Variants in CYP2U1 observed in about 807,000 individuals in gnomAD.
CYP2U1 encodes cytochrome P450 2U1.
In CYP2U1, 28 loss-of-function variants were observed where a neutral mutation model predicts 42.8. The ratio of observed to expected loss-of-function variants is 0.65; its 90% CI spans 0.48 to 0.90. The LOEUF (loss-of-function observed/expected upper bound fraction) is 0.90. Among genes scored for constraint, CYP2U1 ranks in the 40% least tolerant of loss-of-function variants. CYP2U1 has a pLI of 0.00. For synonymous variants in CYP2U1, 296 were observed against 278.9 expected (o/e 1.06, Z -0.61); for missense variants, 642 against 693.8 (o/e 0.93, Z 0.84).
rs1733880666 is a variant in CYP2U1, at chr4:107,950,687, T to C, written c.*264T>C. On this transcript the variant is annotated 3_prime_UTR_variant, in exon 5 of 5. Coordinates refer to ENST00000332884, the MANE Select transcript of CYP2U1 (RefSeq NM_183075.3). The stretch of plus-strand genomic sequence containing the variant: ...TGAAACGGGATATCTGGATTTTACT[T>C]GCAGTGGCTTCCACCGATGGGCCAA... The C allele has an allele frequency of 6.3e-6, 2 of 318,360 alleles. No homozygotes were observed. Among genetic ancestry groups the C allele is most frequent in the Non-Finnish European group, 5.8e-6 (1 of 173,622 alleles). 19.7% of individuals were successfully genotyped at this position (318,360 alleles called of 1,614,324 possible).
chr4:107,949,805 G>A (rs1161582867), intron 4 of CYP2U1, among the ~76,000 whole-genome samples: 1 of 152,172 alleles, frequency 6.6e-6, no homozygotes, highest in Non-Finnish European at 1.5e-5. Flanking sequence ...GGTCTGGTGG[G>A]TGAGAGGATG....
intron 2 of CYP2U1, 82 bp from the exon 3 acceptor site, chr4:107,947,294 G>A: frequency 1.6e-6 from 2 of 1,228,784 alleles, no homozygotes; most frequent in Non-Finnish European, 2.4e-6. Context: ...ATGCATTAGT[G>A]GTGATGGAAA....
chr4:107,950,276 A>G lies in CYP2U1; in HGVS notation c.1488A>G (p.Ala496=). The G allele has an allele frequency of 1.2e-6, 2 of 1,613,108 alleles. No individual in the cohort carries two copies. The highest frequency in any genetic ancestry group is 3.3e-5 in the Admixed American group (2 of 59,768). ...GKRVCMGEQL[A]KMELFLMFVS... ...GGGTGTGTATGGGAGAACAACTGGCAAAGATGGAATTATTCCTAATGTTTG... is the reference window on the plus strand; with the variant it reads ...GGGTGTGTATGGGAGAACAACTGGCGAAGATGGAATTATTCCTAATGTTTG... The change falls in exon 5 of 5, where the codon GCA becomes GCG. Residue 496 remains alanine (A), a synonymous_variant. Coordinates refer to ENST00000332884, the MANE Select transcript of CYP2U1 (RefSeq NM_183075.3).
Position 107,950,590 on chromosome 4 carries a change from T to A in CYP2U1, c.*167T>A. On this transcript the variant is annotated 3_prime_UTR_variant, in exon 5 of 5. Transcript: ENST00000332884. ...ACTGGGAGGTTTCATCTTGGAGGAT[T>A]CCTCAGCAGGATACTTCAGCCATTT... 1 of 600,500 alleles carries A rather than the reference T, an allele frequency of 1.7e-6. No individual in the cohort carries two copies. Among genetic ancestry groups the A allele is most frequent in the Non-Finnish European group, 2.7e-6 (1 of 376,880 alleles). 37.2% of individuals were successfully genotyped at this position (600,500 alleles called of 1,614,324 possible).
intron 4 of CYP2U1, 83 bp from the exon 5 acceptor site, chr4:107,950,162 A>G: frequency 7.5e-7 from 1 of 1,338,366 alleles, no homozygotes; most frequent in South Asian, 1.5e-5. Flanking sequence ...CTCAATTTAG[A>G]TATTTCATAT....
At chr4:107,943,266 C>T (rs1269702989) in intron 1 of CYP2U1, among the ~76,000 whole-genome samples, 3 of 152,182 alleles carry the variant, frequency 2.0e-5, no homozygotes, top group Admixed American at 1.3e-4. Context: ...TCAGAGTACT[C>T]TCCAATTCAG....
chr4:107,931,684 C>T lies in CYP2U1; in HGVS notation c.41C>T (p.Pro14Leu), dbSNP rs1732980507. Reference protein sequence around the residue: ...PGPSQPPAEDPPWPARLLRAP... With the variant: ...PGPSQPPAEDLPWPARLLRAP... Reference sequence around the variant, plus strand: ...CCGTCGCAGCCGCCGGCCGAGGACCCGCCCTGGCCCGCGCGCCTCCTGCGT... The same window carrying T: ...CCGTCGCAGCCGCCGGCCGAGGACCTGCCCTGGCCCGCGCGCCTCCTGCGT... Residue 14 changes from proline (P) to leucine (L), a missense_variant, in exon 1 of 5, where the codon CCG becomes CTG. Physicochemically the swap from Pro to Leu is moderately conservative, Grantham distance 98. Transcript: ENST00000332884. The T allele has an allele frequency of 7.0e-6, 9 of 1,286,362 alleles. No homozygotes were observed. The highest frequency in any genetic ancestry group is 7.8e-6 in the Non-Finnish European group (8 of 1,022,436). The allele number at this position is 1,286,362 out of a possible 1,614,324, so 79.7% of individuals were successfully genotyped here.
Position 107,950,954 on chromosome 4 carries a change from T to C in CYP2U1, c.*531T>C, listed in dbSNP as rs183552359. 3 of 152,604 alleles carry C rather than the reference T, an allele frequency of 2.0e-5. No individual in the cohort carries two copies. The highest frequency in any genetic ancestry group is 2.0e-4 in the Admixed American group (3 of 15,338). The allele number at this position is 152,604 out of a possible 1,614,324, so 9.5% of individuals were successfully genotyped here. On this transcript the variant is annotated 3_prime_UTR_variant, in exon 5 of 5. Transcript: ENST00000332884. ...TGGAATGCTTTGTCAGAGATGGGTGTGGATTTAGGTTATACTGGGGGAGAA... is the reference window on the plus strand; with the variant it reads ...TGGAATGCTTTGTCAGAGATGGGTGCGGATTTAGGTTATACTGGGGGAGAA...
At position 107,952,389 on chromosome 4, in the gene CYP2U1, A is replaced by C. The variant is rs138780282; in HGVS notation, c.*1966A>C. On this transcript the variant is annotated 3_prime_UTR_variant, in exon 5 of 5. Coordinates refer to ENST00000332884, the MANE Select transcript of CYP2U1 (RefSeq NM_183075.3). ...ACTCCCACCACCTGGAGACTAGGCCATATCCAGGGACCTCACACTGACTTT... is the reference window on the plus strand; with the variant it reads ...ACTCCCACCACCTGGAGACTAGGCCCTATCCAGGGACCTCACACTGACTTT... 1.3e-5 allele frequency: 2 copies of C among 152,248 alleles called. No homozygotes were observed. The highest frequency in any genetic ancestry group is 2.9e-5 in the Non-Finnish European group (2 of 68,048). The allele number at this position is 152,248 out of a possible 1,614,324, so 9.4% of individuals were successfully genotyped here. A position where few individuals can be genotyped will look rare whatever the true frequency, so the allele number is the denominator to read the frequency against.
Position 107,931,552 on chromosome 4 carries a change from G to A in CYP2U1, c.-92G>A. 1 of 1,177,510 alleles carries A rather than the reference G, an allele frequency of 8.5e-7. No homozygotes were observed. The highest frequency in any genetic ancestry group is 1.1e-6 in the Non-Finnish European group (1 of 946,078). The allele number at this position is 1,177,510 out of a possible 1,614,324, so 72.9% of individuals were successfully genotyped here. ...CCCTGCCCGCCCCCGACCTTCCAGA[G>A]CAGAGCAGGACACTGGCGCCGCGGG... is the stretch of plus-strand genomic sequence containing the variant. On this transcript the variant is annotated 5_prime_UTR_variant, in exon 1 of 5. Coordinates refer to ENST00000332884, the MANE Select transcript of CYP2U1 (RefSeq NM_183075.3).
Position 107,931,592 on chromosome 4 carries a change from G to A in CYP2U1, c.-52G>A. ...GGCGCCGCGGGTCAGGCAGCTGCGT[G>A]CGCGTCTCCTCCAGGCAGCAAGGGG... On this transcript the variant is annotated 5_prime_UTR_variant, in exon 1 of 5. Coordinates refer to ENST00000332884, the MANE Select transcript of CYP2U1 (RefSeq NM_183075.3). The A allele has an allele frequency of 8.1e-7, 1 of 1,233,648 alleles. No individual in the cohort carries two copies. Among genetic ancestry groups the A allele is most frequent in the Non-Finnish European group, 1.0e-6 (1 of 989,610 alleles). 76.4% of individuals were successfully genotyped at this position (1,233,648 alleles called of 1,614,324 possible).
rs1386006169 is a variant in CYP2U1 at position 107,931,570 on chromosome 4, GC to G, written c.-72del. 1.7e-6 allele frequency: 2 copies of G among 1,208,956 alleles called. No homozygotes were observed. The highest frequency in any genetic ancestry group is 6.7e-5 in the East Asian group (2 of 29,920). 74.9% of individuals were successfully genotyped at this position (1,208,956 alleles called of 1,614,324 possible). The stretch of plus-strand genomic sequence containing the variant: ...TTCCAGAGCAGAGCAGGACACTGGC[GC>G]CGCGGGTCAGGCAGCTGCGTGCGCG... On this transcript the variant is annotated 5_prime_UTR_variant, in exon 1 of 5. Coordinates refer to ENST00000332884, the MANE Select transcript of CYP2U1 (RefSeq NM_183075.3).
chr4:107,932,908 T>C (rs2126189920), intron 1 of CYP2U1, among the ~76,000 whole-genome samples: 1 of 152,334 alleles, frequency 6.6e-6, no homozygotes, highest in Middle Eastern at 3.4e-3. Flanking sequence ...GCACTTTTCC[T>C]TCACTACACT....
At chr4:107,944,354 G>A (rs776265701) in intron 1 of CYP2U1, among the ~76,000 whole-genome samples, 39 of 152,192 alleles carry the variant, frequency 2.6e-4, no homozygotes, top group Non-Finnish European at 5.3e-4. Context: ...CCAGGCTGGA[G>A]TGCAGTGGCA....
rs536313224 is a variant in CYP2U1 at position 107,944,852 on chromosome 4, T to TATATATATA, written c.491-118_491-117insATATATATA. The TATATATATA allele has an allele frequency of 9.8e-3, 991 of 101,028 alleles. 84 individuals carry two copies. Among genetic ancestry groups the TATATATATA allele is most frequent in the African/African-American group, 0.059 (916 of 15,554 alleles). 6.3% of individuals were successfully genotyped at this position (101,028 alleles called of 1,614,324 possible). ...TCTTTATATATACATATATATATAT[T>TATATATATA]TATATGAGGAATTTTCCATAAGTGA... On this transcript the variant is annotated intron_variant, in intron 1 of 4. Transcript: ENST00000332884.
chr4:107,932,943 T>A (rs1264108453), intron 1 of CYP2U1, among the ~76,000 whole-genome samples: 1 of 152,176 alleles, frequency 6.6e-6, no homozygotes, highest in Non-Finnish European at 1.5e-5. Flanking sequence ...CTACATAACT[T>A]TATGACCTTG....
Position 107,931,688 on chromosome 4 carries a change from C to A in CYP2U1, c.45C>A (p.Pro15=). Residue 15 remains proline, a synonymous_variant, in exon 1 of 5, where the codon CCC becomes CCA. Transcript: ENST00000332884. Reference sequence around the variant, plus strand: ...CGCAGCCGCCGGCCGAGGACCCGCCCTGGCCCGCGCGCCTCCTGCGTGCGC... The same window carrying A: ...CGCAGCCGCCGGCCGAGGACCCGCCATGGCCCGCGCGCCTCCTGCGTGCGC... The part of the protein sequence containing the change: ...GPSQPPAEDP[P]WPARLLRAPL... 1 of 1,335,728 alleles carries A rather than the reference C, an allele frequency of 7.5e-7. No homozygotes were observed. Among genetic ancestry groups the A allele is most frequent in the South Asian group, 2.1e-5 (1 of 48,664 alleles). The allele number at this position is 1,335,728 out of a possible 1,614,324, so 82.7% of individuals were successfully genotyped here.
intron 1 of CYP2U1, chr4:107,937,901 C>T (rs1733333695): frequency 6.6e-6 from 1 of 152,118 alleles, no homozygotes; most frequent in Admixed American, 6.6e-5. Context: ...GTATTATGAG[C>T]ATATTTTCAT....
chr4:107,949,489 A>G lies in CYP2U1; in HGVS notation c.1428A>G (p.Lys476=), dbSNP rs1182482806. Residue 476 remains lysine (K), a synonymous_variant, in exon 4 of 5, where the codon AAA becomes AAG. Coordinates refer to ENST00000332884, the MANE Select transcript of CYP2U1 (RefSeq NM_183075.3). ...TGGATGACCAAGGACAACTAATTAA[A>G]AAAGAAACCTTTATTCCTTTTGGGA... ...RFLDDQGQLI[K]KETFIPFGIG... 1 of 1,597,954 alleles carries G rather than the reference A, an allele frequency of 6.3e-7. No homozygotes were observed. Among genetic ancestry groups the G allele is most frequent in the East Asian group, 2.2e-5 (1 of 44,572 alleles).
Sources: allele counts gnomAD v4.1 joint callset (sites outside exome capture counted in the v4.1 genomes callset), GRCh38; gene constraint gnomAD v4.1.1; transcripts MANE v1.5; gene names NCBI Gene and HGNC (gene_info 2026-07-23, HGNC 2026-07-21).